The following PCDH15 variants were observed in gnomAD, a reference collection of about 807,000 sequenced individuals.
PCDH15 encodes the protein protocadherin-15.
PCDH15 carries 129 observed loss-of-function variants against 178.5 expected under a neutral mutation model. The observed-to-expected ratio is 0.72, with a 90% confidence interval of 0.63 to 0.84. The LOEUF (loss-of-function observed/expected upper bound fraction) is 0.84. Among genes scored for constraint, PCDH15 ranks in the 40% least tolerant of loss-of-function variants. PCDH15 has a pLI of 0.00. For missense variants in PCDH15, 2,230 were observed against 2,099.9 expected, an observed-to-expected ratio of 1.06 and a Z score of -1.21; for synonymous variants, 800 against 732.0, an observed-to-expected ratio of 1.09 and a Z score of -1.50.
At chr10:55,522,311 T>G (rs1841195394) in intron 2 of PCDH15, among the ~76,000 whole-genome samples, 1 of 151,894 alleles carries the variant, frequency 6.6e-6, no homozygotes, top group Non-Finnish European at 1.5e-5. Flanking sequence ...GAACACATTT[T>G]TATTTGTTCT....
At chr10:54,334,896 G>A (rs1265337789) in intron 6 of PCDH15, among the ~76,000 whole-genome samples, 1 of 151,828 alleles carries the variant, frequency 6.6e-6, no homozygotes, top group African/African-American at 2.4e-5. Flanking sequence ...GTCTTTTTCT[G>A]TACCTCTCTC....
intron 2 of PCDH15, among the ~76,000 whole-genome samples, chr10:55,375,449 T>G (rs1250793604): frequency 6.6e-6 from 1 of 152,120 alleles, no homozygotes; most frequent in Non-Finnish European, 1.5e-5. Context: ...TTTCTAAAAT[T>G]TTAAAGTCCT....
intron 2 of PCDH15, among the ~76,000 whole-genome samples, chr10:54,584,564 T>G (rs933408549): frequency 6.6e-6 from 1 of 152,162 alleles, no homozygotes; most frequent in African/African-American, 2.4e-5. Context: ...CAATAACATA[T>G]TTTCATATCT....
chr10:55,279,091 G>A (rs1338188444), intron 1 of PCDH15, among the ~76,000 whole-genome samples: 1 of 152,188 alleles, frequency 6.6e-6, no homozygotes, highest in East Asian at 1.9e-4. Flanking sequence ...TGCCCGAGAT[G>A]AGTGAGAGCC....
chr10:54,426,018 G>A (rs1956230825), intron 3 of PCDH15, among the ~76,000 whole-genome samples: 1 of 152,044 alleles, frequency 6.6e-6, no homozygotes, highest in South Asian at 2.1e-4. Context: ...ATGATAAACA[G>A]GTGAATGGGG....
chr10:55,040,989 T>C (rs1304126192), intron 2 of PCDH15, among the ~76,000 whole-genome samples: 3 of 152,092 alleles, frequency 2.0e-5, no homozygotes, highest in Non-Finnish European at 4.4e-5. Context: ...CTTGATTATA[T>C]TTATTAGCAA....
intron 3 of PCDH15, among the ~76,000 whole-genome samples, chr10:54,821,668 T>C (rs1953043182): frequency 6.6e-6 from 1 of 152,142 alleles, no homozygotes; most frequent in Admixed American, 6.6e-5. Flanking sequence ...ATATCTCTAG[T>C]GAGAATGTAA....
intron 3 of PCDH15, among the ~76,000 whole-genome samples, chr10:54,394,598 G>A (rs1294685309): frequency 6.6e-6 from 1 of 152,142 alleles, no homozygotes; most frequent in East Asian, 1.9e-4. Flanking sequence ...GCAGGACCGA[G>A]GTGAAATTAA....
chr10:55,289,010 AT>A (rs940036330), intron 1 of PCDH15, among the ~76,000 whole-genome samples: 1 of 151,960 alleles, frequency 6.6e-6, no homozygotes, highest in Non-Finnish European at 1.5e-5. Context: ...ATTTGCTATC[AT>A]TTCTTTAATC....
intron 1 of PCDH15, among the ~76,000 whole-genome samples, chr10:55,284,304 C>A (rs1842810677): frequency 6.6e-6 from 1 of 152,046 alleles, no homozygotes. Flanking sequence ...TGATAGTATA[C>A]TCAATTTACC....
intron 1 of PCDH15, among the ~76,000 whole-genome samples, chr10:55,298,426 C>T (rs1307693406): frequency 6.6e-6 from 1 of 152,106 alleles, no homozygotes; most frequent in Non-Finnish European, 1.5e-5. Flanking sequence ...AATAGGATTT[C>T]ACAGATTCTG....
chr10:54,279,967 G>C (rs2058580967), intron 8 of PCDH15, among the ~76,000 whole-genome samples: 1 of 151,612 alleles, frequency 6.6e-6, no homozygotes, highest in Non-Finnish European at 1.5e-5. Flanking sequence ...TGGCATGGCA[G>C]AAAGACATGT....
intron 2 of PCDH15, among the ~76,000 whole-genome samples, chr10:55,363,723 C>A (rs963360982): frequency 3.9e-5 from 6 of 152,018 alleles, no homozygotes; most frequent in African/African-American, 1.4e-4. Context: ...GCAACCTCCG[C>A]CTCTTGAGTT....
At chr10:54,017,740 T>A (rs1459572429) in intron 20 of PCDH15, among the ~76,000 whole-genome samples, 1 of 152,046 alleles carries the variant, frequency 6.6e-6, no homozygotes, top group Admixed American at 6.6e-5. Flanking sequence ...AACCTCAGCA[T>A]CATGCAATAC....
chr10:53,894,023 G>T (rs775878469), intron 26 of PCDH15, among the ~76,000 whole-genome samples: 1 of 151,984 alleles, frequency 6.6e-6, no homozygotes, highest in Non-Finnish European at 1.5e-5. Context: ...GGGGTTTGTT[G>T]TACCCAAAAA....
At chr10:54,237,771 C>A (rs545160548) in intron 8 of PCDH15, among the ~76,000 whole-genome samples, 1 of 152,068 alleles carries the variant, frequency 6.6e-6, no homozygotes, top group African/African-American at 2.4e-5. Context: ...AATAGATATG[C>A]TAAAAATACA....
chr10:55,184,978 T>C (rs61851061), intron 1 of PCDH15, among the ~76,000 whole-genome samples: 15,307 of 151,896 alleles, frequency 0.1, 807 homozygotes, highest in East Asian at 0.12. Context: ...GTTCCTTCAG[T>C]TGGATGTGAA....
At chr10:55,361,245 G>T (rs189060212) in intron 2 of PCDH15, among the ~76,000 whole-genome samples, 2 of 151,996 alleles carry the variant, frequency 1.3e-5, no homozygotes. Context: ...CTTCAGAAAT[G>T]CTTTGTTTCT....
intron 1 of PCDH15, among the ~76,000 whole-genome samples, chr10:54,735,046 CTTA>C (rs1182448086): frequency 6.6e-6 from 1 of 151,880 alleles, no homozygotes; most frequent in Non-Finnish European, 1.5e-5. Context: ...TACATTTCAA[CTTA>C]TTATATGAAA....
Sources: allele counts gnomAD v4.1 joint callset (sites outside exome capture counted in the v4.1 genomes callset), GRCh38; gene constraint gnomAD v4.1.1; transcripts MANE v1.5; gene names NCBI Gene and HGNC (gene_info 2026-07-23, HGNC 2026-07-21).